Variants in KCNJ3 observed in about 807,000 individuals in gnomAD.
The protein encoded by KCNJ3 is potassium inwardly rectifying channel subfamily J member 3.
In KCNJ3, 4 loss-of-function variants were observed where a neutral mutation model predicts 39.2. That is an observed-to-expected ratio of 0.10 (90% CI 0.05 to 0.23). The LOEUF is 0.23. KCNJ3 is among the 10% of genes least tolerant of loss of function. The pLI, the probability that KCNJ3 is intolerant of heterozygous loss-of-function variation, is 1.00. For synonymous variants in KCNJ3, 230 were observed against 237.4 expected (o/e 0.97, Z 0.29); for missense variants, 276 against 634.9 (o/e 0.43, Z 6.08).
intron 2 of KCNJ3, among the ~76,000 whole-genome samples, chr2:154,797,434 AT>A (rs1394645872): frequency 1.2e-4 from 19 of 152,192 alleles, no homozygotes; most frequent in African/African-American, 4.3e-4. Flanking sequence ...ACTCCGTAAA[AT>A]AAGAAGTGAA....
intron 2 of KCNJ3, among the ~76,000 whole-genome samples, chr2:154,757,870 A>G (rs997150856): frequency 6.6e-6 from 1 of 152,140 alleles, no homozygotes; most frequent in African/African-American, 2.4e-5. Context: ...AATCCCATTC[A>G]TGAGGGTAGA....
intron 2 of KCNJ3, among the ~76,000 whole-genome samples, chr2:154,728,910 T>C (rs747738571): frequency 1.3e-5 from 2 of 152,122 alleles, no homozygotes; most frequent in Non-Finnish European, 2.9e-5. Flanking sequence ...ATATTAACAA[T>C]ACTAAAACAT....
intron 2 of KCNJ3, among the ~76,000 whole-genome samples, chr2:154,834,954 A>G (rs1687426490): frequency 6.6e-6 from 1 of 151,968 alleles, no homozygotes; most frequent in Admixed American, 6.6e-5. Context: ...TTAATCAATT[A>G]TAATAATTAG....
At chr2:154,709,347 A>T in intron 1 of KCNJ3, 1 of 493,450 alleles carries the variant, frequency 2.0e-6, no homozygotes, top group South Asian at 2.3e-5. Context: ...TGGACCAGGC[A>T]TTTCTCCAAA....
intron 2 of KCNJ3, among the ~76,000 whole-genome samples, chr2:154,813,475 A>G (rs1379030018): frequency 1.3e-5 from 2 of 152,110 alleles, no homozygotes; most frequent in African/African-American, 2.4e-5. Context: ...AATTACTTCT[A>G]TTAGAATCCA....
chr2:154,805,190 G>GT (rs900309047), intron 2 of KCNJ3, among the ~76,000 whole-genome samples: 15 of 151,992 alleles, frequency 9.9e-5, no homozygotes, highest in East Asian at 3.9e-4. Flanking sequence ...AAAAAAACAG[G>GT]TTTTTTTCTG....
intron 1 of KCNJ3, chr2:154,709,337 T>C (rs2105151390): frequency 2.1e-6 from 1 of 476,578 alleles, no homozygotes. Flanking sequence ...CAACCATTGT[T>C]GGACCAGGCA....
At chr2:154,778,255 A>C (rs1050236164) in intron 2 of KCNJ3, among the ~76,000 whole-genome samples, 6 of 152,274 alleles carry the variant, frequency 3.9e-5, no homozygotes, top group Admixed American at 3.9e-4. Flanking sequence ...TTTCTGAAAA[A>C]AGTATTATGT....
At chr2:154,757,454 C>A (rs1685961099) in intron 2 of KCNJ3, among the ~76,000 whole-genome samples, 1 of 151,886 alleles carries the variant, frequency 6.6e-6, no homozygotes, top group Non-Finnish European at 1.5e-5. Flanking sequence ...AATTCTGTGC[C>A]CTTTTCTCCC....
At chr2:154,714,107 CTG>C (rs1396935007) in intron 2 of KCNJ3, among the ~76,000 whole-genome samples, 2 of 152,178 alleles carry the variant, frequency 1.3e-5, no homozygotes, top group Non-Finnish European at 1.5e-5. Flanking sequence ...TTTTCCGAAA[CTG>C]TGTCTTTTAT....
intron 2 of KCNJ3, among the ~76,000 whole-genome samples, chr2:154,816,253 T>C (rs1449917206): frequency 2.0e-5 from 3 of 152,172 alleles, no homozygotes; most frequent in African/African-American, 2.4e-5. Flanking sequence ...CACAATATTA[T>C]GCAAAAAGAA....
chr2:154,789,523 C>T (rs1171616161), intron 2 of KCNJ3, among the ~76,000 whole-genome samples: 1 of 151,938 alleles, frequency 6.6e-6, no homozygotes, highest in African/African-American at 2.4e-5. Flanking sequence ...ATAATGCACT[C>T]AAAAGTGCCA....
At chr2:154,742,341 G>A (rs1256974598) in intron 2 of KCNJ3, among the ~76,000 whole-genome samples, 1 of 151,774 alleles carries the variant, frequency 6.6e-6, no homozygotes, top group African/African-American at 2.4e-5. Context: ...GTGAACATGG[G>A]TGTACACATA....
intron 2 of KCNJ3, among the ~76,000 whole-genome samples, chr2:154,741,860 A>C (rs976673114): frequency 6.6e-6 from 1 of 151,942 alleles, no homozygotes; most frequent in Non-Finnish European, 1.5e-5. Context: ...TCAGCGTACA[A>C]ATCCTGTATT....
At chr2:154,741,137 A>C (rs1419224768) in intron 2 of KCNJ3, among the ~76,000 whole-genome samples, 3 of 151,996 alleles carry the variant, frequency 2.0e-5, no homozygotes, top group Admixed American at 1.3e-4. Flanking sequence ...TAGATTATTA[A>C]GCCTCACATC....
rs1687815055 is a variant in KCNJ3 at position 154,855,112 on chromosome 2, G to T, written c.1305G>T (p.Met435Ile). 1 of 1,614,070 alleles carries T rather than the reference G, an allele frequency of 6.2e-7. No individual in the cohort carries two copies. Residue 435 changes from methionine (M) to isoleucine (I), a missense_variant, in exon 3 of 3, where the codon ATG (methionine) becomes ATT (isoleucine). Around this residue, in one of 4 missense-constraint regions of KCNJ3, gnomAD observed 126 missense variants for 179.8 expected, o/e 0.70. Coordinates refer to ENST00000295101, the MANE Select transcript of KCNJ3 (RefSeq NM_002239.4). ...CCTACAGCTTGGGAGACTTGCCCAT[G>T]AAACTTCAACGAATAAGTTCAGTTC... is the stretch of plus-strand genomic sequence containing the variant. The part of the protein sequence containing the change: ...EKAYSLGDLP[M>I]KLQRISSVPG...
intron 2 of KCNJ3, among the ~76,000 whole-genome samples, chr2:154,738,685 C>T (rs1041715311): frequency 2.0e-5 from 3 of 151,890 alleles, no homozygotes; most frequent in African/African-American, 7.3e-5. Flanking sequence ...CGATTATCCT[C>T]AAAATGAATG....
chr2:154,732,550 T>C (rs1454135452), intron 2 of KCNJ3, among the ~76,000 whole-genome samples: 1 of 152,126 alleles, frequency 6.6e-6, no homozygotes, highest in Non-Finnish European at 1.5e-5. Flanking sequence ...GTTTGAAGTT[T>C]TGTGTGGTAA....
At chr2:154,708,196 T>G (rs1685045880) in intron 1 of KCNJ3, among the ~76,000 whole-genome samples, 1 of 152,138 alleles carries the variant, frequency 6.6e-6, no homozygotes, top group African/African-American at 2.4e-5. Context: ...ACAAATAATA[T>G]CCGTGAATAT....
Sources: gnomAD v4.1 joint callset for allele counts (sites outside exome capture counted in the v4.1 genomes callset) on GRCh38, gnomAD v4.1.1 for gene constraint, gnomAD v4.1.1 regional missense constraint, MANE v1.5 for transcripts, NCBI Gene and HGNC (gene_info 2026-07-23, HGNC 2026-07-21) for gene names.